The following TMEM41B variants were observed in gnomAD, a reference collection of about 807,000 sequenced individuals.
TMEM41B encodes the protein protein stasimon.
TMEM41B carries 18 observed loss-of-function variants against 31.9 expected under a neutral mutation model. That is an observed-to-expected ratio of 0.56 (90% CI 0.39 to 0.84). The LOEUF is 0.84. Ranked by LOEUF, TMEM41B falls within the 40% of genes least tolerant of loss-of-function variation. TMEM41B has a pLI of 0.00. For missense variants in TMEM41B, 322 were observed against 348.0 expected (o/e 0.93, Z 0.59); for synonymous variants, 144 against 124.3 (o/e 1.16, Z -1.05).
chr11:9,304,320 C>T (rs999932032), intron 1 of TMEM41B, among the ~76,000 whole-genome samples: 11 of 152,266 alleles, frequency 7.2e-5, no homozygotes, highest in African/African-American at 2.6e-4. Context: ...CAATACGTAT[C>T]TTGAGGCCTC....
intron 2 of TMEM41B, among the ~76,000 whole-genome samples, chr11:9,295,786 G>A (rs1038616446): frequency 3.9e-5 from 6 of 151,912 alleles, no homozygotes; most frequent in East Asian, 1.9e-4. Context: ...CTCCTGCCTC[G>A]GCCTCCCAAA....
rs1853284515 is a variant in TMEM41B, at chr11:9,302,367, C to T, written c.122-2666G>A. On this transcript the variant is annotated intron_variant, in intron 1 of 6. Transcript: ENST00000528080. ...TCCTAGTTTAAACTGATGTCTATTCCTTTCAACCAAAAAGTCTTGACTAAA... is the reference window on the plus strand; with the variant it reads ...TCCTAGTTTAAACTGATGTCTATTCTTTTCAACCAAAAAGTCTTGACTAAA... 3.0e-5 allele frequency among the ~76,000 whole-genome samples: 3 copies of T among 100,164 alleles called. 1 individual carries two copies. The allele number at this position is 100,164 out of a possible 152,430, so 65.7% of individuals were successfully genotyped here.
chr11:9,285,660 T>A (rs1358845031), intron 6 of TMEM41B, among the ~76,000 whole-genome samples: 2 of 152,186 alleles, frequency 1.3e-5, no homozygotes, highest in Non-Finnish European at 2.9e-5. Flanking sequence ...AGTTTGTTGA[T>A]CCTTGCTTTT....
intron 1 of TMEM41B, among the ~76,000 whole-genome samples, chr11:9,304,788 G>C (rs1263743485): frequency 2.6e-5 from 4 of 152,082 alleles, no homozygotes; most frequent in Admixed American, 2.6e-4. Flanking sequence ...CTCCCAAGTA[G>C]CTGGGACTAC....
At chr11:9,288,383 C>A (rs538639926) in intron 4 of TMEM41B, 59 bp downstream of exon 4, 1 of 1,198,274 alleles carries the variant, frequency 8.3e-7, no homozygotes, top group Non-Finnish European at 1.2e-6. Flanking sequence ...AAAGTATCAT[C>A]ATCATCCTCA....
At chr11:9,297,072 G>C (rs887266677) in intron 2 of TMEM41B, among the ~76,000 whole-genome samples, 20 of 152,106 alleles carry the variant, frequency 1.3e-4, no homozygotes, top group Non-Finnish European at 8.8e-5. Flanking sequence ...GCAGGCACGT[G>C]CCACTATGCT....
chr11:9,314,152 T>G (rs1396905167), intron 1 of TMEM41B, among the ~76,000 whole-genome samples, 169 bp downstream of exon 1: 1 of 152,238 alleles, frequency 6.6e-6, no homozygotes, highest in East Asian at 1.9e-4. Flanking sequence ...TCCGGCCTTG[T>G]GCTGCGCGAG....
intron 1 of TMEM41B, among the ~76,000 whole-genome samples, chr11:9,311,111 C>T (rs897116435): frequency 6.6e-6 from 1 of 152,182 alleles, no homozygotes; most frequent in African/African-American, 2.4e-5. Context: ...CATGCCAATT[C>T]TCTTCCCATT....
intron 1 of TMEM41B, among the ~76,000 whole-genome samples, chr11:9,300,328 C>T (rs1362654977): frequency 6.6e-6 from 1 of 152,120 alleles, no homozygotes; most frequent in Non-Finnish European, 1.5e-5. Flanking sequence ...CTGTCAATTT[C>T]ATATTTCTAT....
At chr11:9,293,025 T>C (rs1852994776) in intron 3 of TMEM41B, among the ~76,000 whole-genome samples, 1 of 152,222 alleles carries the variant, frequency 6.6e-6, no homozygotes, top group Non-Finnish European at 1.5e-5. Context: ...ATGTAAAACA[T>C]TTACTTGGTT....
chr11:9,295,053 A>G (rs1042521347), intron 3 of TMEM41B: 27 of 736,302 alleles, frequency 3.7e-5, no homozygotes, highest in Non-Finnish European at 4.7e-5. Context: ...AAGAACTTCT[A>G]ATAAATATTC....
chr11:9,299,325 T>TACATACACACACACACACACACACAC (rs1554943934), intron 2 of TMEM41B, among the ~76,000 whole-genome samples: 2 of 123,148 alleles, frequency 1.6e-5, no homozygotes, highest in Admixed American at 2.1e-4. Flanking sequence ...TATACATACA[T>TACATACACACACACACACACACACAC]ACACACACAC....
chr11:9,290,107 G>A (rs1852921256), intron 3 of TMEM41B, among the ~76,000 whole-genome samples: 1 of 152,040 alleles, frequency 6.6e-6, no homozygotes, highest in Non-Finnish European at 1.5e-5. Flanking sequence ...TGGACCGGGT[G>A]GGGTGGCTCA....
intron 2 of TMEM41B, among the ~76,000 whole-genome samples, chr11:9,295,881 C>T (rs1457249455): frequency 1.4e-5 from 2 of 147,700 alleles, no homozygotes; most frequent in African/African-American, 5.0e-5. Context: ...TTTTTTGACA[C>T]AGTCTCACTC....
chr11:9,288,554 A>C lies in TMEM41B; in HGVS notation c.369-19T>G, dbSNP rs201146323. Reference sequence around the variant, plus strand: ...TTGCAAGCTGGTAACTTTTAAGTTAAGGATTAGAATATAATTAAGTAGAAT... The same window carrying C: ...TTGCAAGCTGGTAACTTTTAAGTTACGGATTAGAATATAATTAAGTAGAAT... On this transcript the variant is annotated intron_variant, in intron 3 of 6. Transcript: ENST00000528080. 1.3e-6 allele frequency: 2 copies of C among 1,510,342 alleles called. No homozygotes were observed. Among genetic ancestry groups the C allele is most frequent in the African/African-American group, 1.4e-5 (1 of 71,066 alleles). The allele number at this position is 1,510,342 out of a possible 1,614,324, so 93.6% of individuals were successfully genotyped here.
At chr11:9,287,969 C>G (rs974030018) in intron 4 of TMEM41B, 163 bp from the exon 5 acceptor site, 5 of 617,800 alleles carry the variant, frequency 8.1e-6, no homozygotes, top group African/African-American at 7.6e-5. Flanking sequence ...TTTCTCAGAC[C>G]AAAATGTACC....
intron 2 of TMEM41B, among the ~76,000 whole-genome samples, chr11:9,297,795 C>A (rs529594548): frequency 6.6e-6 from 1 of 151,850 alleles, no homozygotes; most frequent in African/African-American, 2.4e-5. Flanking sequence ...AGTGCTAGGA[C>A]TAAAGGCCTG....
chr11:9,299,798 G>T, intron 1 of TMEM41B, 97 bp from the exon 2 acceptor site: 2 of 912,952 alleles, frequency 2.2e-6, no homozygotes, highest in Non-Finnish European at 3.5e-6. Flanking sequence ...AATGGCGTGT[G>T]CTTTTGCCTA....
rs1366572084 is a variant in TMEM41B at position 9,281,377 on chromosome 11, G to C, written c.*2047C>G. 1 of 152,166 alleles carries C rather than the reference G, an allele frequency of 6.6e-6. No individual in the cohort carries two copies. Among genetic ancestry groups the C allele is most frequent in the African/African-American group, 2.4e-5 (1 of 41,440 alleles). The allele number at this position is 152,166 out of a possible 1,614,324, so 9.4% of individuals were successfully genotyped here. ...TAAATAATCTCACGCAAAAGGCCAG[G>C]TGACATAAGAATACTACAATAATCA... On this transcript the variant is annotated 3_prime_UTR_variant, in exon 7 of 7. Coordinates refer to ENST00000528080, the MANE Select transcript of TMEM41B (RefSeq NM_015012.4).
Sources: allele counts gnomAD v4.1 joint callset (sites outside exome capture counted in the v4.1 genomes callset), GRCh38; gene constraint gnomAD v4.1.1; transcripts MANE v1.5; gene names NCBI Gene and HGNC (gene_info 2026-07-23, HGNC 2026-07-21).